The following MAP3K13 variants were observed in gnomAD, a reference collection of about 807,000 sequenced individuals.
MAP3K13 encodes the protein leucine zipper-bearing kinase.
In MAP3K13, 52 loss-of-function variants were observed where a neutral mutation model predicts 104.0. That is an observed-to-expected ratio of 0.50 (90% confidence interval 0.40 to 0.63). The LOEUF (loss-of-function observed/expected upper bound fraction) is 0.63. Among genes scored for constraint, MAP3K13 ranks in the 20% least tolerant of loss-of-function variants. The pLI, the probability that MAP3K13 is intolerant of heterozygous loss-of-function variation, is 0.00. For synonymous variants in MAP3K13, 394 were observed against 442.2 expected (o/e 0.89, Z 1.37); for missense variants, 914 against 1,218.5 (o/e 0.75, Z 3.72).
At chr3:185,332,801 T>C (rs1424914790) in intron 2 of MAP3K13, among the ~76,000 whole-genome samples, 1 of 152,236 alleles carries the variant, frequency 6.6e-6, no homozygotes, top group East Asian at 1.9e-4. Flanking sequence ...TCAATAGATA[T>C]TTGGGTTGCT....
At chr3:185,320,789 C>G (rs1469597944) in intron 2 of MAP3K13, among the ~76,000 whole-genome samples, 1 of 152,056 alleles carries the variant, frequency 6.6e-6, no homozygotes, top group Middle Eastern at 3.2e-3. Flanking sequence ...AATCTAATGC[C>G]AAATTTGTAT....
chr3:185,440,026 C>T (rs3772683), intron 3 of MAP3K13, among the ~76,000 whole-genome samples: 7,482 of 152,210 alleles, frequency 0.049, 302 homozygotes, highest in East Asian at 0.22. Context: ...GATTTTAGTA[C>T]ATCTCTCTGG....
At chr3:185,386,274 A>G (rs1711682233) in intron 1 of MAP3K13, among the ~76,000 whole-genome samples, 1 of 152,226 alleles carries the variant, frequency 6.6e-6, no homozygotes, top group Admixed American at 6.5e-5. Flanking sequence ...GACACTTCTC[A>G]AAAGAAGACA....
intron 2 of MAP3K13, among the ~76,000 whole-genome samples, chr3:185,314,353 C>T (rs1318264148): frequency 1.3e-5 from 2 of 152,094 alleles, no homozygotes; most frequent in African/African-American, 4.8e-5. Context: ...CAGTGGCTCA[C>T]GCCTGTAATC....
intron 4 of MAP3K13, among the ~76,000 whole-genome samples, chr3:185,446,896 A>C (rs1408976789): frequency 2.0e-5 from 3 of 152,226 alleles, no homozygotes; most frequent in Non-Finnish European, 4.4e-5. Flanking sequence ...ATTCAAATGA[A>C]AATTCAGTGA....
chr3:185,365,976 C>G (rs1258464068), intron 1 of MAP3K13, among the ~76,000 whole-genome samples: 1 of 123,532 alleles, frequency 8.1e-6, no homozygotes, highest in Non-Finnish European at 1.7e-5. Context: ...TTTCTTTTCT[C>G]TTTTCTTTTT....
At chr3:185,361,139 C>T (rs1217696479), upstream of MAP3K13, among the ~76,000 whole-genome samples, 1 of 147,258 alleles carries the variant, frequency 6.8e-6, no homozygotes, top group Non-Finnish European at 1.5e-5. Context: ...CACATATATA[C>T]ATATACATAT....
intron 1 of MAP3K13, among the ~76,000 whole-genome samples, chr3:185,394,370 A>G (rs1487142234): frequency 6.6e-6 from 1 of 152,226 alleles, no homozygotes; most frequent in Non-Finnish European, 1.5e-5. Context: ...TTGATTAAGA[A>G]GGTAATTTTG....
chr3:185,359,717 T>G (rs924228684), upstream of MAP3K13, among the ~76,000 whole-genome samples: 2 of 152,200 alleles, frequency 1.3e-5, no homozygotes, highest in African/African-American at 4.8e-5. Context: ...AACTAATAAG[T>G]GGCAGAAATA....
In MAP3K13 at chr3:185,468,947, T is replaced by C. The variant is rs569332035; in HGVS notation, c.1643+1984T>C. ...TAGAACTATTTAGCTTTTTCAAATA[T>C]GAGCTCATGTTTGCTTTTATTTTGG... On this transcript the variant is annotated intron_variant, in intron 10 of 13. Coordinates refer to ENST00000265026, the MANE Select transcript of MAP3K13 (RefSeq NM_004721.5). Among the ~76,000 whole-genome samples the C allele has an allele frequency of 1.4e-3, 218 of 152,364 alleles. 1 individual carries two copies. Among genetic ancestry groups the C allele is most frequent in the African/African-American group, 5.2e-3 (216 of 41,586 alleles).
chr3:185,436,834 C>A (rs922014431), intron 2 of MAP3K13, among the ~76,000 whole-genome samples: 1 of 151,544 alleles, frequency 6.6e-6, no homozygotes, highest in Non-Finnish European at 1.5e-5. Context: ...GAAACCCTGC[C>A]TCTACTGAAA....
intron 1 of MAP3K13, among the ~76,000 whole-genome samples, chr3:185,389,681 T>G (rs887611312): frequency 6.6e-6 from 1 of 151,902 alleles, no homozygotes; most frequent in African/African-American, 2.4e-5. Flanking sequence ...ATTCTCAAAC[T>G]TTTTGGTTTC....
At chr3:185,381,117 C>T (rs973436202) in intron 1 of MAP3K13, among the ~76,000 whole-genome samples, 1 of 152,064 alleles carries the variant, frequency 6.6e-6, no homozygotes, top group African/African-American at 2.4e-5. Context: ...CGTGTGCTAC[C>T]ACGCCCGGCT....
chr3:185,443,588 A>C lies in MAP3K13; in HGVS notation c.803A>C (p.Asn268Thr). 6 of 1,614,160 alleles carry C rather than the reference A, an allele frequency of 3.7e-6. No individual in the cohort carries two copies. Among genetic ancestry groups the C allele is most frequent in the Non-Finnish European group, 5.1e-6 (6 of 1,180,006 alleles). ...DWSTGIASGM[N>T]YLHLHKIIHR... ...TCCACAGGAATTGCAAGTGGAATGA[A>C]TTATTTGCACCTCCATAAAATTATT... is the stretch of plus-strand genomic sequence containing the variant. Residue 268 changes from asparagine to threonine, a missense_variant, in exon 4 of 14, where the codon AAT becomes ACT. By Grantham distance (65) the Asn-to-Thr change is moderately conservative (BLOSUM62 0). Transcript: ENST00000265026.
At chr3:185,420,921 TG>T (rs2108795561) in intron 1 of MAP3K13, among the ~76,000 whole-genome samples, 1 of 152,308 alleles carries the variant, frequency 6.6e-6, no homozygotes, top group East Asian at 1.9e-4. Context: ...AAATTGGCAG[TG>T]CCCTGCCAAA....
At chr3:185,462,256 TC>T (rs981946508) in intron 7 of MAP3K13, among the ~76,000 whole-genome samples, 91 of 152,322 alleles carry the variant, frequency 6.0e-4, no homozygotes, top group African/African-American at 2.0e-3. Context: ...GTGGTTTTTT[TC>T]TACCCCCTAA....
chr3:185,427,669 C>T (rs1421454090), intron 1 of MAP3K13, among the ~76,000 whole-genome samples: 5 of 152,080 alleles, frequency 3.3e-5, no homozygotes, highest in African/African-American at 7.2e-5. Context: ...GGATAAGACA[C>T]GAAAGCAAAG....
chr3:185,368,587 G>A (rs941656174), intron 1 of MAP3K13, among the ~76,000 whole-genome samples: 5 of 152,098 alleles, frequency 3.3e-5, no homozygotes, highest in African/African-American at 1.2e-4. Flanking sequence ...CTCCCTAGAC[G>A]TAGCTAGCAG....
chr3:185,292,304 A>G (rs1353562344), intron 2 of MAP3K13: 1 of 141,130 alleles, frequency 7.1e-6, no homozygotes, highest in Non-Finnish European at 1.6e-5. Flanking sequence ...GACTCCGTCT[A>G]AAAAAAAAAA....
Sources: allele counts gnomAD v4.1 joint callset (sites outside exome capture counted in the v4.1 genomes callset), GRCh38; gene constraint gnomAD v4.1.1; transcripts MANE v1.5; gene names NCBI Gene and HGNC (gene_info 2026-07-23, HGNC 2026-07-21).